The following ANK1 variants were observed in gnomAD, a reference collection of about 807,000 sequenced individuals.
ANK1 encodes the protein ankyrin 1.
Under a neutral mutation model 210.4 loss-of-function variants are expected in ANK1, and 51 were observed. The observed-to-expected ratio is 0.24, with a 90% CI of 0.19 to 0.31. The LOEUF is 0.31. Among genes scored for constraint, ANK1 ranks in the 10% least tolerant of loss-of-function variants. The pLI is 1.00. For missense variants in ANK1, 2,051 were observed against 2,504.4 expected (o/e 0.82, Z 3.86); for synonymous variants, 967 against 1,025.9 (o/e 0.94, Z 1.10).
rs1265517135 is a variant in ANK1 at position 41,694,824 on chromosome 8, C to A, written c.3116-21G>T. 1 of 1,612,300 alleles carries A rather than the reference C, an allele frequency of 6.2e-7. No homozygotes were observed. The highest frequency in any genetic ancestry group is 1.3e-5 in the African/African-American group (1 of 74,890). ...CAGCTCTGGAATCACACACACAGGC[C>A]ACCACCCCGGTCACATCAGGCACAG... On this transcript the variant is annotated intron_variant, in intron 27 of 42. Transcript: ENST00000289734. This position sits in a 1 kb window ranked among gnomAD's most constrained non-coding sequence, Gnocchi z 5.7.
intron 1 of ANK1, among the ~76,000 whole-genome samples, chr8:41,778,868 TGAACACACA>T (rs1445183461): frequency 2.6e-5 from 4 of 152,202 alleles, no homozygotes; most frequent in Non-Finnish European, 5.9e-5. Flanking sequence ...GATCCGACAC[TGAACACACA>T]GGCAGGAAGC....
rs1376787207 is a variant in ANK1, at chr8:41,796,676, G to A, written c.27+836C>T. 2.0e-5 allele frequency among the ~76,000 whole-genome samples: 3 copies of A among 150,872 alleles called. No homozygotes were observed. The East Asian group carries it at 5.9e-4, about 30-fold the overall frequency. ...AAGCAGAAGACGAAATGCCCTGCCC[G>A]CGACTAAACCAGACTCCTTTTCACT... is the stretch of plus-strand genomic sequence containing the variant. On this transcript the variant is annotated intron_variant, in intron 1 of 42. Transcript: ENST00000289734.
At chr8:41,767,927 G>T (rs1842218109) in intron 1 of ANK1, among the ~76,000 whole-genome samples, 1 of 152,194 alleles carries the variant, frequency 6.6e-6, no homozygotes, top group South Asian at 2.1e-4. Context: ...CTCTTCCATC[G>T]TGTCGTGAGA....
chr8:41,799,253 A>G (rs2150774280), upstream of ANK1, among the ~76,000 whole-genome samples: 1 of 152,330 alleles, frequency 6.6e-6, no homozygotes, highest in South Asian at 2.1e-4. Flanking sequence ...ACATGATTTC[A>G]GACAGCCTCC....
At chr8:41,878,284 C>T (rs1309347113) in intron 1 of ANK1, among the ~76,000 whole-genome samples, 1 of 152,186 alleles carries the variant, frequency 6.6e-6, no homozygotes, top group Non-Finnish European at 1.5e-5. Context: ...GTGCCCCCAC[C>T]CTGGGCAGGG....
intron 1 of ANK1, among the ~76,000 whole-genome samples, chr8:41,806,508 A>C (rs555266353): frequency 3.3e-5 from 5 of 152,248 alleles, no homozygotes; most frequent in African/African-American, 9.6e-5. Flanking sequence ...TGAGGTCAGG[A>C]GTTCAAGACC....
chr8:41,716,861 C>T, intron 13 of ANK1, 92 bp downstream of exon 13: 1 of 1,329,722 alleles, frequency 7.5e-7, no homozygotes. Context: ...GGCCACAGCA[C>T]TGCAGCCCCG....
At chr8:41,695,449 A>C in intron 26 of ANK1, 118 bp from the exon 27 acceptor site, 1 of 1,405,502 alleles carries the variant, frequency 7.1e-7, no homozygotes, top group Non-Finnish European at 1.0e-6. Context: ...AGCCACGTGG[A>C]GGCCCCACCT....
chr8:41,744,729 G>A (rs1412633853), intron 2 of ANK1, among the ~76,000 whole-genome samples: 1 of 152,124 alleles, frequency 6.6e-6, no homozygotes, highest in Non-Finnish European at 1.5e-5. Flanking sequence ...TAGAGACGGG[G>A]TTTCACAGTG....
chr8:41,844,937 C>T (rs922217069), intron 1 of ANK1, among the ~76,000 whole-genome samples: 6 of 152,166 alleles, frequency 3.9e-5, no homozygotes, highest in African/African-American at 1.4e-4. Context: ...TCTGGACCTG[C>T]TGCACACCCA....
intron 1 of ANK1, among the ~76,000 whole-genome samples, chr8:41,857,428 T>C (rs1563917431): frequency 6.6e-6 from 1 of 150,986 alleles, no homozygotes; most frequent in African/African-American, 2.4e-5. Flanking sequence ...TGAAACCCCA[T>C]CTCTACTAAA....
intron 1 of ANK1, among the ~76,000 whole-genome samples, chr8:41,783,741 A>G (rs1050097447): frequency 2.6e-5 from 4 of 152,204 alleles, no homozygotes; most frequent in Non-Finnish European, 4.4e-5. Flanking sequence ...TTGTCCTTAC[A>G]GAGTCACAAA....
chr8:41,879,861 T>G (rs1817281089), intron 1 of ANK1, among the ~76,000 whole-genome samples: 1 of 152,222 alleles, frequency 6.6e-6, no homozygotes, highest in Admixed American at 6.5e-5. Context: ...TGCCTCCCTC[T>G]CTCAAAAGAT....
chr8:41,862,571 G>T (rs1313682946), intron 1 of ANK1, among the ~76,000 whole-genome samples: 2 of 151,060 alleles, frequency 1.3e-5, no homozygotes, highest in African/African-American at 4.9e-5. Context: ...CAAGCCAAAA[G>T]GCTGGGGAAA....
intron 1 of ANK1, among the ~76,000 whole-genome samples, chr8:41,778,810 C>G (rs772192954): frequency 6.6e-5 from 10 of 152,182 alleles, no homozygotes; most frequent in Admixed American, 2.6e-4. Flanking sequence ...TTTATTCAGT[C>G]ATTTAAAAAT....
chr8:41,674,137 T>G (rs996081000), intron 37 of ANK1, among the ~76,000 whole-genome samples: 2 of 152,244 alleles, frequency 1.3e-5, no homozygotes, highest in African/African-American at 4.8e-5. Context: ...GCTCGGGGCC[T>G]CAGCCTCCGC....
chr8:41,713,493 T>C (rs1274751260), intron 16 of ANK1, among the ~76,000 whole-genome samples: 3 of 152,268 alleles, frequency 2.0e-5, no homozygotes, highest in Non-Finnish European at 4.4e-5. Context: ...CCTGCTGCTC[T>C]GAGCAGCTCG....
chr8:41,719,804 G>T lies in ANK1; in HGVS notation c.964C>A (p.Arg322=), dbSNP rs770743762. The change falls in exon 10 of 43, where the codon CGG becomes AGG. Residue 322 remains arginine (R), a synonymous_variant. Coordinates refer to ENST00000289734, the MANE Select transcript of ANK1 (RefSeq NM_000037.4). ...AAQGDHLDCV[R]LLLQYDAEID... is the part of the protein sequence containing the mutation. Reference sequence around the variant, plus strand: ...TCTGCGTCGTATTGCAACAGGAGCCGGACACAGTCGAGGTGGTCTCCCTGA... The same window carrying T: ...TCTGCGTCGTATTGCAACAGGAGCCTGACACAGTCGAGGTGGTCTCCCTGA... 6.2e-7 allele frequency: 1 copy of T among 1,614,200 alleles called. No homozygotes were observed. Among genetic ancestry groups the T allele is most frequent in the Non-Finnish European group, 8.5e-7 (1 of 1,180,042 alleles).
intron 42 of ANK1, chr8:41,661,144 G>A: frequency 2.3e-6 from 1 of 444,378 alleles, no homozygotes; most frequent in Non-Finnish European, 4.2e-6. Context: ...ACAAAATGCT[G>A]GGATTACAGA....
Sources: allele counts gnomAD v4.1 joint callset (sites outside exome capture counted in the v4.1 genomes callset), GRCh38; gene constraint gnomAD v4.1.1; non-coding constraint Gnocchi (gnomAD v3.1); transcripts MANE v1.5; gene names NCBI Gene and HGNC (gene_info 2026-07-23, HGNC 2026-07-21).